The following VTCN1 variants were observed in gnomAD, a reference collection of about 807,000 sequenced individuals.
VTCN1 encodes the protein V-set domain containing T cell activation inhibitor 1, also known as V-set domain-containing T-cell activation inhibitor 1.
VTCN1 carries 26 observed loss-of-function variants against 26.5 expected under a neutral mutation model. The ratio of observed to expected loss-of-function variants is 0.98; its 90% CI spans 0.72 to 1.36. The LOEUF is 1.36. VTCN1 is among the 40% of genes most tolerant of loss of function. The probability of loss-of-function intolerance (pLI) is 0.00; values close to 1 mark genes in which losing one functional copy is unlikely to be tolerated. For missense variants in VTCN1, 298 were observed against 337.7 expected, an observed-to-expected ratio of 0.88 and a Z score of 0.92; for synonymous variants, 116 against 130.7, an observed-to-expected ratio of 0.89 and a Z score of 0.77.
At position 117,146,593 on chromosome 1, in the gene VTCN1, C is replaced by T. The variant is rs796247802; in HGVS notation, c.*45+1020G>A. ...TAAAGGAAGTAGTGGGTATAAATTG[C>T]CACAGAGTAGAGAAGATTTCCAGGA... On this transcript the variant is annotated intron_variant, in intron 5 of 5. Coordinates refer to ENST00000369458, the MANE Select transcript of VTCN1 (RefSeq NM_024626.4). The surrounding 1 kb of genome is among the most constrained non-coding windows in gnomAD (Gnocchi z 4.2). Among the ~76,000 whole-genome samples, 2 of 152,098 alleles carry T rather than the reference C, an allele frequency of 1.3e-5. No homozygotes were observed. The highest frequency in any genetic ancestry group is 4.1e-4 in the South Asian group (2 of 4,826).
intron 4 of VTCN1, among the ~76,000 whole-genome samples, chr1:117,151,024 G>C (rs1651760533): frequency 6.6e-6 from 1 of 151,968 alleles, no homozygotes; most frequent in African/African-American, 2.4e-5. Flanking sequence ...TCTACTAATG[G>C]ACATTTTGGG....
chr1:117,203,546 G>A, intron 1 of VTCN1: 1 of 931,604 alleles, frequency 1.1e-6, no homozygotes, highest in Non-Finnish European at 1.3e-6. Context: ...TAGGAAATCA[G>A]AAGCATTGCA....
At position 117,188,376 on chromosome 1, in the gene VTCN1, C is replaced by T. The variant is rs575854030; in HGVS notation, c.33-18205G>A. On this transcript the variant is annotated intron_variant, in intron 1 of 5. Transcript: ENST00000369458. ...TGGAGTCCTCACCAATAGGAATAAC[C>T]GGGAGAGGGAACTGAGCAGTGAGAG... Among the ~76,000 whole-genome samples, 13 of 152,102 alleles carry T rather than the reference C, an allele frequency of 8.5e-5. No homozygotes were observed. In the East Asian group the frequency reaches 9.7e-4, roughly 11 times the overall value.
At position 117,156,806 on chromosome 1, in the gene VTCN1, C is replaced by G; in HGVS notation, c.213G>C (p.Trp71Cys). 6.2e-7 allele frequency: 1 copy of G among 1,614,106 alleles called. No homozygotes were observed. The highest frequency in any genetic ancestry group is 2.2e-5 in the East Asian group (1 of 44,876). Residue 71 changes from tryptophan to cysteine, a missense_variant, in exon 3 of 6, where the codon TGG (tryptophan) becomes TGC (cysteine). Physicochemically the swap from Trp to Cys is radical, Grantham distance 215. Coordinates refer to ENST00000369458, the MANE Select transcript of VTCN1 (RefSeq NM_024626.4). ...CCAAGCCTAAAACACCTTCCTTCAGCCATTGTATCACGATATCAGAAAGTT... is the reference window on the plus strand; with the variant it reads ...CCAAGCCTAAAACACCTTCCTTCAGGCATTGTATCACGATATCAGAAAGTT... ...DIKLSDIVIQ[W>C]LKEGVLGLVH...
In VTCN1 at chr1:117,169,061, A is replaced by G. The variant is rs1652761247; in HGVS notation, c.97+1046T>C. Among the ~76,000 whole-genome samples the G allele has an allele frequency of 6.6e-6, 1 of 152,252 alleles. No individual in the cohort carries two copies. Among genetic ancestry groups the G allele is most frequent in the Non-Finnish European group, 1.5e-5 (1 of 68,050 alleles). ...GAAAGGCCACTGGAATATAGAAAAT[A>G]AAGTTACGGAGCTTTGGTCACAGAC... On this transcript the variant is annotated intron_variant, in intron 2 of 5. Coordinates refer to ENST00000369458, the MANE Select transcript of VTCN1 (RefSeq NM_024626.4). This position sits in a 1 kb window ranked among gnomAD's most constrained non-coding sequence, Gnocchi z 4.0.
rs140132525 is a variant in VTCN1 at position 117,186,536 on chromosome 1, T to C, written c.33-16365A>G. On this transcript the variant is annotated intron_variant, in intron 1 of 5. Transcript: ENST00000369458. Reference sequence around the variant, plus strand: ...TGTGATTTTATAATGTTGTGTTTTATGTTGGAACTGGGGCTTGGAAAGTGA... The same window carrying C: ...TGTGATTTTATAATGTTGTGTTTTACGTTGGAACTGGGGCTTGGAAAGTGA... Among the ~76,000 whole-genome samples the C allele has an allele frequency of 6.6e-5, 10 of 152,356 alleles. No individual in the cohort carries two copies. The East Asian group carries it at 1.5e-3, about 23-fold the overall frequency.
intron 1 of VTCN1, among the ~76,000 whole-genome samples, chr1:117,177,326 G>A (rs900485690): frequency 6.6e-6 from 1 of 152,126 alleles, no homozygotes; most frequent in Non-Finnish European, 1.5e-5. Context: ...TTTTTGCTTT[G>A]CTGAAGAATT....
chr1:117,189,883 T>C (rs1019646834), intron 1 of VTCN1, among the ~76,000 whole-genome samples: 4 of 138,010 alleles, frequency 2.9e-5, no homozygotes, highest in Non-Finnish European at 4.6e-5. Flanking sequence ...ACGTAGGAGG[T>C]TGCAAAACCC....
intron 1 of VTCN1, among the ~76,000 whole-genome samples, chr1:117,204,450 G>C (rs1374958784): frequency 6.6e-6 from 1 of 152,146 alleles, no homozygotes; most frequent in Non-Finnish European, 1.5e-5. Flanking sequence ...TATGGCAAAA[G>C]TAAGTATGTA....
At chr1:117,196,403 T>TAGAG (rs68151432) in intron 1 of VTCN1, among the ~76,000 whole-genome samples, 2 of 145,250 alleles carry the variant, frequency 1.4e-5, no homozygotes, top group South Asian at 2.2e-4. Flanking sequence ...TATATATATA[T>TAGAG]AGAGAGAGAG....
chr1:117,191,591 T>A (rs540812540), intron 1 of VTCN1, among the ~76,000 whole-genome samples: 3 of 152,304 alleles, frequency 2.0e-5, no homozygotes, highest in Non-Finnish European at 4.4e-5. Context: ...GAGACCAGCC[T>A]GACCAACATG....
intron 1 of VTCN1, among the ~76,000 whole-genome samples, chr1:117,192,447 T>C (rs984502429): frequency 1.3e-5 from 2 of 152,114 alleles, no homozygotes; most frequent in African/African-American, 4.8e-5. Context: ...TGAAAGCATA[T>C]AAAAGTATAA....
intron 1 of VTCN1, among the ~76,000 whole-genome samples, chr1:117,181,159 G>A (rs1647652188): frequency 6.6e-6 from 1 of 151,604 alleles, no homozygotes; most frequent in Admixed American, 6.6e-5. Flanking sequence ...GTTCATGCCT[G>A]TAGTCCTAAC....
chr1:117,166,073 G>A (rs1328422083), intron 2 of VTCN1, among the ~76,000 whole-genome samples: 1 of 152,154 alleles, frequency 6.6e-6, no homozygotes, highest in African/African-American at 2.4e-5. Flanking sequence ...GTACATTACT[G>A]GATTGAGCAG....
At position 117,193,642 on chromosome 1, in the gene VTCN1, C is replaced by T. The variant is rs577801971; in HGVS notation, c.32+17182G>A. Among the ~76,000 whole-genome samples the T allele has an allele frequency of 5.3e-5, 8 of 152,070 alleles. No homozygotes were observed. The East Asian group carries it at 1.4e-3, about 26-fold the overall frequency. ...CTGAAGGGAGAAAAGACAGCAAAAC[C>T]AAAATAGTAGGGGACTTTAATATCC... is the stretch of plus-strand genomic sequence containing the variant. On this transcript the variant is annotated intron_variant, in intron 1 of 5. Transcript: ENST00000369458.
Position 117,156,714 on chromosome 1 carries a change from G to A in VTCN1, c.305C>T (p.Ala102Val). 6.2e-7 allele frequency: 1 copy of A among 1,614,130 alleles called. No individual in the cohort carries two copies. The highest frequency in any genetic ancestry group is 1.3e-5 in the African/African-American group (1 of 75,022). Residue 102 changes from alanine to valine, a missense_variant, in exon 3 of 6, where the codon GCA (alanine) becomes GTA (valine). Ala to Val is a moderately conservative substitution (Grantham distance 64, BLOSUM62 0). Coordinates refer to ENST00000369458, the MANE Select transcript of VTCN1 (RefSeq NM_024626.4). The part of the protein sequence containing the change: ...EQDEMFRGRT[A>V]VFADQVIVGN... ...AACTATCACTTGATCAGCAAACACTGCTGTCCGGCCTCTGAACATTTCATC... is the reference window on the plus strand; with the variant it reads ...AACTATCACTTGATCAGCAAACACTACTGTCCGGCCTCTGAACATTTCATC...
intron 1 of VTCN1, 100 bp from the exon 2 acceptor site, chr1:117,170,271 C>T: frequency 8.9e-7 from 1 of 1,128,834 alleles, no homozygotes; most frequent in Non-Finnish European, 1.3e-6. Flanking sequence ...AGATGAGTTA[C>T]ATAAAGCATC....
At chr1:117,186,988 TA>T (rs1647975242) in intron 1 of VTCN1, among the ~76,000 whole-genome samples, 1 of 151,848 alleles carries the variant, frequency 6.6e-6, no homozygotes, top group South Asian at 2.1e-4. Context: ...TACAAACCTT[TA>T]AAAAAGGAGC....
intron 1 of VTCN1, among the ~76,000 whole-genome samples, chr1:117,205,273 C>T (rs1048882333): frequency 6.6e-6 from 1 of 151,788 alleles, no homozygotes; most frequent in African/African-American, 2.4e-5. Context: ...TCTCCCACCT[C>T]AGTCCCGAGT....
Sources: gnomAD v4.1 joint callset for allele counts (sites outside exome capture counted in the v4.1 genomes callset) on GRCh38, gnomAD v4.1.1 for gene constraint, Gnocchi (gnomAD v3.1) non-coding constraint, MANE v1.5 for transcripts, NCBI Gene and HGNC (gene_info 2026-07-23, HGNC 2026-07-21) for gene names.